PRKG1: variants seen among roughly 807,000 people sequenced by gnomAD.
PRKG1 encodes protein kinase cGMP-dependent 1.
PRKG1 carries 35 observed loss-of-function variants against 88.1 expected under a neutral mutation model. The observed-to-expected ratio is 0.40, with a 90% CI of 0.30 to 0.53. The LOEUF is 0.53. Among genes scored for constraint, PRKG1 ranks in the 20% least tolerant of loss-of-function variants. The probability of loss-of-function intolerance (pLI) is 0.59; values close to 1 mark genes in which losing one functional copy is unlikely to be tolerated. For synonymous variants in PRKG1, 303 were observed against 292.5 expected, an observed-to-expected ratio of 1.04 and a Z score of -0.37; for missense variants, 540 against 839.8, an observed-to-expected ratio of 0.64 and a Z score of 4.41.
At chr10:51,449,981 G>A (rs1267840817) in intron 2 of PRKG1, among the ~76,000 whole-genome samples, 1 of 151,756 alleles carries the variant, frequency 6.6e-6, no homozygotes, top group Non-Finnish European at 1.5e-5. Flanking sequence ...AAAGAGCTAT[G>A]GGCATTAATA....
chr10:51,640,755 A>T (rs978651794), intron 3 of PRKG1, among the ~76,000 whole-genome samples: 1 of 152,196 alleles, frequency 6.6e-6, no homozygotes. Flanking sequence ...TAGTAGTTCA[A>T]ATTCTCTATG....
intron 5 of PRKG1, among the ~76,000 whole-genome samples, chr10:52,027,743 AT>A (rs1845378246): frequency 6.6e-6 from 1 of 152,162 alleles, no homozygotes; most frequent in Non-Finnish European, 1.5e-5. Flanking sequence ...GATTAACTAA[AT>A]TGGAACTTTT....
intron 9 of PRKG1, among the ~76,000 whole-genome samples, chr10:52,194,688 A>G (rs900709185): frequency 2.0e-5 from 3 of 152,134 alleles, no homozygotes; most frequent in African/African-American, 7.2e-5. Context: ...TAGAAAGTAA[A>G]TTTCAATTTA....
intron 3 of PRKG1, among the ~76,000 whole-genome samples, chr10:51,510,486 A>G (rs899023886): frequency 6.6e-6 from 1 of 150,462 alleles, no homozygotes; most frequent in Non-Finnish European, 1.5e-5. Flanking sequence ...TATACTTACC[A>G]AAAGTATTAT....
At chr10:51,879,642 G>A (rs1003087735) in intron 4 of PRKG1, among the ~76,000 whole-genome samples, 4 of 152,150 alleles carry the variant, frequency 2.6e-5, no homozygotes, top group African/African-American at 7.2e-5. Flanking sequence ...CTTTAAACCT[G>A]CCTCCCTTGG....
chr10:51,056,889 T>G (rs1241154981), intron 1 of PRKG1, among the ~76,000 whole-genome samples: 1 of 152,194 alleles, frequency 6.6e-6, no homozygotes, highest in Non-Finnish European at 1.5e-5. Flanking sequence ...AAATCTTCCT[T>G]TTCTTCCTCC....
At chr10:51,416,379 G>T (rs1199162361) in intron 2 of PRKG1, among the ~76,000 whole-genome samples, 1 of 151,978 alleles carries the variant, frequency 6.6e-6, no homozygotes, top group Non-Finnish European at 1.5e-5. Flanking sequence ...TACATGTTTT[G>T]AAGTACCAGC....
intron 5 of PRKG1, among the ~76,000 whole-genome samples, chr10:51,920,051 T>C (rs1265201905): frequency 6.6e-6 from 1 of 152,100 alleles, no homozygotes; most frequent in Non-Finnish European, 1.5e-5. Flanking sequence ...AGATTAAAAA[T>C]GCATCAAGGA....
intron 5 of PRKG1, among the ~76,000 whole-genome samples, chr10:51,962,959 C>A (rs976489305): frequency 1.3e-5 from 2 of 152,136 alleles, no homozygotes; most frequent in African/African-American, 4.8e-5. Context: ...AAAACAGAAG[C>A]TGAGAAATCT....
chr10:51,540,091 C>T lies in PRKG1; in HGVS notation c.592+72255C>T, dbSNP rs149600271. ...AAGAGTACTAACCAAGAATTTTTCT[C>T]TGCTATAACTGTAGGCATTTGTTAA... On this transcript the variant is annotated intron_variant, in intron 3 of 17. Transcript: ENST00000373980. Among the ~76,000 whole-genome samples the T allele has an allele frequency of 4.1e-3, 630 of 152,244 alleles. 9 individuals are homozygous for T. The highest frequency in any genetic ancestry group is 6.1e-3 in the Non-Finnish European group (418 of 68,020).
intron 2 of PRKG1, among the ~76,000 whole-genome samples, chr10:51,396,102 G>C (rs367608258): frequency 5.3e-5 from 8 of 152,254 alleles, no homozygotes; most frequent in African/African-American, 1.9e-4. Flanking sequence ...CTTCAAGGAG[G>C]GGCCTAGCTG....
chr10:51,465,926 G>A (rs1839894416), intron 2 of PRKG1, among the ~76,000 whole-genome samples: 1 of 152,144 alleles, frequency 6.6e-6, no homozygotes, highest in African/African-American at 2.4e-5. Context: ...AATTTTACCT[G>A]CTTTATCTCA....
At chr10:51,286,915 C>T (rs569528694) in intron 2 of PRKG1, among the ~76,000 whole-genome samples, 23 of 152,232 alleles carry the variant, frequency 1.5e-4, no homozygotes, top group Admixed American at 9.8e-4. Context: ...CTCACTCTGT[C>T]GCCCAGGCTG....
chr10:52,118,059 T>C (rs911311059), intron 7 of PRKG1, among the ~76,000 whole-genome samples: 5 of 152,092 alleles, frequency 3.3e-5, no homozygotes, highest in Admixed American at 6.6e-5. Context: ...TTCCCAAAAG[T>C]ATAAGTACAT....
At chr10:52,039,810 A>T (rs1845711032) in intron 5 of PRKG1, among the ~76,000 whole-genome samples, 1 of 152,144 alleles carries the variant, frequency 6.6e-6, no homozygotes, top group Non-Finnish European at 1.5e-5. Context: ...TGGGGAAAAA[A>T]ATCCTTTTCT....
At chr10:51,826,537 G>A (rs1016559577) in intron 4 of PRKG1, among the ~76,000 whole-genome samples, 4 of 152,076 alleles carry the variant, frequency 2.6e-5, no homozygotes, top group African/African-American at 9.7e-5. Context: ...CTTCACAAAT[G>A]GATAAAAGCT....
intron 9 of PRKG1, among the ~76,000 whole-genome samples, chr10:52,196,772 G>T (rs1839516885): frequency 6.6e-6 from 1 of 152,030 alleles, no homozygotes; most frequent in Non-Finnish European, 1.5e-5. Context: ...AAACTTCCCT[G>T]GGTGAAGGAT....
At chr10:51,992,039 A>C (rs186721617) in intron 5 of PRKG1, among the ~76,000 whole-genome samples, 1 of 152,300 alleles carries the variant, frequency 6.6e-6, no homozygotes, top group East Asian at 1.9e-4. Context: ...CTCTGTTTAT[A>C]ATTTGAGAAT....
At chr10:52,253,741 AC>A (rs1841240191) in intron 10 of PRKG1, among the ~76,000 whole-genome samples, 1 of 151,984 alleles carries the variant, frequency 6.6e-6, no homozygotes, top group Non-Finnish European at 1.5e-5. Flanking sequence ...TATAATGAAC[AC>A]CATAGTCCTA....
Sources: gnomAD v4.1 joint callset for allele counts (sites outside exome capture counted in the v4.1 genomes callset) on GRCh38, gnomAD v4.1.1 for gene constraint, MANE v1.5 for transcripts, NCBI Gene and HGNC (gene_info 2026-07-23, HGNC 2026-07-21) for gene names.